The following NFRKB variants were observed in gnomAD, a reference collection of about 807,000 sequenced individuals.
NFRKB encodes the protein nuclear factor related to kappaB binding protein.
NFRKB carries 62 observed loss-of-function variants against 135.7 expected under a neutral mutation model. The ratio of observed to expected loss-of-function variants is 0.46; its 90% CI spans 0.37 to 0.56. The LOEUF is 0.56. Among genes scored for constraint, NFRKB ranks in the 20% least tolerant of loss-of-function variants. The pLI is 0.00. For synonymous variants in NFRKB, 678 were observed against 635.6 expected (o/e 1.07, Z -1.00); for missense variants, 1,545 against 1,662.0 (o/e 0.93, Z 1.22).
intron 13 of NFRKB, among the ~76,000 whole-genome samples, chr11:129,879,582 TC>T (rs1948932766): frequency 6.6e-6 from 1 of 152,092 alleles, no homozygotes; most frequent in Non-Finnish European, 1.5e-5. Flanking sequence ...AAATGACCAC[TC>T]CCCACTTCTC....
At chr11:129,882,750 A>G in intron 9 of NFRKB, 119 bp from the exon 10 acceptor site, 3 of 1,076,134 alleles carry the variant, frequency 2.8e-6, no homozygotes, top group Non-Finnish European at 4.0e-6. Flanking sequence ...TCAGTAATAA[A>G]ACACTCAATG....
intron 11 of NFRKB, 76 bp from the exon 12 acceptor site, chr11:129,881,929 C>T: frequency 8.5e-6 from 13 of 1,537,606 alleles, no homozygotes; most frequent in Non-Finnish European, 1.1e-5. Context: ...CCACCACAAC[C>T]TGCAGTATAT....
In NFRKB at chr11:129,873,058, C is replaced by A. The variant is rs780631530; in HGVS notation, c.2589G>T (p.Thr863=). 2 of 1,612,952 alleles carry A rather than the reference C, an allele frequency of 1.2e-6. No individual in the cohort carries two copies. Among genetic ancestry groups the A allele is most frequent in the Admixed American group, 3.3e-5 (2 of 59,910 alleles). The change falls in exon 23 of 27, where the codon ACG becomes ACT. Residue 863 remains threonine, a synonymous_variant. Transcript: ENST00000682444. ...MATVPVKAQT[T]AATVQRPGPG... is the part of the protein sequence containing the mutation. ...GTCCAGGCCGCTGCACAGTGGCTGC[C>A]GTAGTCTGCGCTTTGACGGGCACAG... is the stretch of plus-strand genomic sequence containing the variant.
At position 129,888,686 on chromosome 11, in the gene NFRKB, G is replaced by A; in HGVS notation, c.245C>T (p.Ala82Val). 1.2e-6 allele frequency: 2 copies of A among 1,614,186 alleles called. No homozygotes were observed. Among genetic ancestry groups the A allele is most frequent in the Non-Finnish European group, 1.7e-6 (2 of 1,180,038 alleles). The change falls in exon 4 of 27, where the codon GCT becomes GTT. Residue 82 changes from alanine (A) to valine (V), a missense_variant. Around this residue, in one of 3 missense-constraint regions of NFRKB, gnomAD observed 678 missense variants for 646.7 expected, o/e 1.05. Transcript: ENST00000682444. Reference protein sequence around the residue: ...QFLPQFPEDSAEQQNELILAL... With the variant: ...QFLPQFPEDSVEQQNELILAL... Reference sequence around the variant, plus strand: ...TAAGATGAGTTCATTCTGCTGCTCAGCACTGTCTTCAGGAAACTGGGGCAG... The same window carrying A: ...TAAGATGAGTTCATTCTGCTGCTCAACACTGTCTTCAGGAAACTGGGGCAG...
Position 129,874,022 on chromosome 11 carries a change from A to G in NFRKB, c.2280-7T>C, listed in dbSNP as rs1251870374. 3 of 1,607,534 alleles carry G rather than the reference A, an allele frequency of 1.9e-6. No individual in the cohort carries two copies. The highest frequency in any genetic ancestry group is 8.5e-7 in the Non-Finnish European group (1 of 1,174,820). On this transcript the variant is annotated splice_region_variant and splice_polypyrimidine_tract_variant and intron_variant, in intron 21 of 26. Transcript: ENST00000682444. The surrounding 1 kb of genome is among the most constrained non-coding windows in gnomAD (Gnocchi z 4.5). ...TGAAGACACCAGAAGAACACTATGA[A>G]GAACATCGGGGAAAGACAAAAAACA... is the stretch of plus-strand genomic sequence containing the variant.
rs1948094202 is a variant in NFRKB, at chr11:129,864,432, T to TTGTTGGA, written c.*292_*293insTCCAACA. The TTGTTGGA allele has an allele frequency of 2.0e-5, 7 of 353,502 alleles. No homozygotes were observed. Among genetic ancestry groups the TTGTTGGA allele is most frequent in the Admixed American group, 1.6e-4 (4 of 24,958 alleles). 21.9% of individuals were successfully genotyped at this position (353,502 alleles called of 1,614,324 possible). ...GGTAAGCCTTCCCTGGGGGTCTTAC[T>TTGTTGGA]CTCAGAACTCTGGCTTGTTGGACGT... On this transcript the variant is annotated 3_prime_UTR_variant, in exon 27 of 27. Transcript: ENST00000682444.
Position 129,864,640 on chromosome 11 carries a change from TA to T in NFRKB, c.*84del. 3 of 1,588,688 alleles carry T rather than the reference TA, an allele frequency of 1.9e-6. No homozygotes were observed. The highest frequency in any genetic ancestry group is 1.7e-5 in the Admixed American group (1 of 59,366). ...CCTGGCTGCCTTGAACAGGCAAGCT[TA>T]AAACAATGATGCAACCTCCCTGGTC... On this transcript the variant is annotated 3_prime_UTR_variant, in exon 27 of 27. Transcript: ENST00000682444.
Position 129,885,416 on chromosome 11 carries a change from A to G in NFRKB, c.640+19T>C, listed in dbSNP as rs776602777. Reference sequence around the variant, plus strand: ...TCCATCCAATACCCCAGCTACCCCAAGTGCCCGAGGACACTCACCCTCTTC... The same window carrying G: ...TCCATCCAATACCCCAGCTACCCCAGGTGCCCGAGGACACTCACCCTCTTC... On this transcript the variant is annotated intron_variant, in intron 6 of 26. Transcript: ENST00000682444. The G allele has an allele frequency of 1.1e-5, 18 of 1,587,242 alleles. No individual in the cohort carries two copies. The highest frequency in any genetic ancestry group is 1.7e-4 in the Middle Eastern group (1 of 5,988).
chr11:129,880,336 C>G (rs1017054908), intron 13 of NFRKB, among the ~76,000 whole-genome samples: 5 of 152,222 alleles, frequency 3.3e-5, no homozygotes, highest in African/African-American at 1.2e-4. Flanking sequence ...TCACACCATT[C>G]TCCTTCATTC....
intron 4 of NFRKB, among the ~76,000 whole-genome samples, chr11:129,888,085 T>C (rs964553023): frequency 6.6e-6 from 1 of 152,172 alleles, no homozygotes; most frequent in African/African-American, 2.4e-5. Context: ...TGATATTATC[T>C]GCTCAATGTA....
Position 129,874,183 on chromosome 11 carries a change from G to A in NFRKB, c.2209C>T (p.Pro737Ser), listed in dbSNP as rs2135645701. 6.6e-7 allele frequency: 1 copy of A among 1,521,150 alleles called. No individual in the cohort carries two copies. The highest frequency in any genetic ancestry group is 2.3e-5 in the East Asian group (1 of 44,098). The allele number at this position is 1,521,150 out of a possible 1,614,324, so 94.2% of individuals were successfully genotyped here. ...TPALPAIPIS[P>S]PPVSAVNKSG... ...TTGTTCACTGCCGATACAGGTGGAG[G>A]GGAGATGGGAATGGCGGGCAATGCT... Residue 737 changes from proline to serine, a missense_variant, in exon 21 of 27, where the codon CCT becomes TCT. Pro to Ser is a moderately conservative substitution (Grantham distance 74). Around this residue, in one of 3 missense-constraint regions of NFRKB, gnomAD observed 753 missense variants for 804.3 expected, o/e 0.94. Transcript: ENST00000682444. The surrounding 1 kb of genome is among the most constrained non-coding windows in gnomAD (Gnocchi z 4.5).
intron 14 of NFRKB, 21 bp downstream of exon 14, chr11:129,878,443 G>C (rs754624615): frequency 2.5e-6 from 4 of 1,612,982 alleles, no homozygotes; most frequent in Middle Eastern, 1.6e-4. Context: ...GAAGGATCTG[G>C]TATTTCTTAA....
intron 12 of NFRKB, 108 bp from the exon 13 acceptor site, chr11:129,881,616 T>C (rs917954834): frequency 1.8e-5 from 28 of 1,585,778 alleles, no homozygotes; most frequent in Middle Eastern, 1.7e-4. Context: ...CTTCAAGGCA[T>C]AGCATTATGC....
At position 129,892,759 on chromosome 11, in the gene NFRKB, G is replaced by A. The variant is rs1949615234; in HGVS notation, c.91C>T (p.Leu31=). The change falls in exon 3 of 27, where the codon CTG becomes TTG. Residue 31 remains leucine, a synonymous_variant. Transcript: ENST00000682444. Reference sequence around the variant, plus strand: ...GGCAGACTAACTCTGGTGCCTCCCAGGAGGCAATCCTCCATGATGCGCGTG... The same window carrying A: ...GGCAGACTAACTCTGGTGCCTCCCAAGAGGCAATCCTCCATGATGCGCGTG... ...HGTRIMEDCL[L]GGTRVSLPED... is the part of the protein sequence containing the mutation. The A allele has an allele frequency of 1.2e-6, 2 of 1,614,198 alleles. No homozygotes were observed. The highest frequency in any genetic ancestry group is 2.7e-5 in the African/African-American group (2 of 75,058).
chr11:129,875,476 G>C lies in NFRKB; in HGVS notation c.1748-13C>G. On this transcript the variant is annotated splice_polypyrimidine_tract_variant and intron_variant, in intron 17 of 26. Coordinates refer to ENST00000682444, the MANE Select transcript of NFRKB (RefSeq NM_001143835.2). ...GCAGCGTCCCGAACTGATGACATGA[G>C]AAAGCACACAGTCCACAAGTCAGGC... The C allele has an allele frequency of 1.9e-6, 3 of 1,581,722 alleles. No individual in the cohort carries two copies. The highest frequency in any genetic ancestry group is 2.6e-6 in the Non-Finnish European group (3 of 1,162,792).
chr11:129,888,691 G>A lies in NFRKB; in HGVS notation c.240C>T (p.Asp80=), dbSNP rs200292879. Residue 80 remains aspartate, a synonymous_variant, in exon 4 of 27, where the codon GAC becomes GAT. Transcript: ENST00000682444. The part of the protein sequence containing the change: ...LQQFLPQFPE[D]SAEQQNELIL... Reference sequence around the variant, plus strand: ...TGAGTTCATTCTGCTGCTCAGCACTGTCTTCAGGAAACTGGGGCAGAAACT... The same window carrying A: ...TGAGTTCATTCTGCTGCTCAGCACTATCTTCAGGAAACTGGGGCAGAAACT... The A allele has an allele frequency of 4.5e-5, 73 of 1,614,176 alleles. No individual in the cohort carries two copies. Among genetic ancestry groups the A allele is most frequent in the South Asian group, 2.2e-5 (2 of 91,078 alleles).
intron 24 of NFRKB, among the ~76,000 whole-genome samples, chr11:129,866,850 G>C (rs746434698): frequency 6.6e-6 from 1 of 152,152 alleles, no homozygotes; most frequent in Non-Finnish European, 1.5e-5. Context: ...ATTCCACAGA[G>C]GCAGGCTAAC....
Position 129,873,111 on chromosome 11 carries a change from G to A in NFRKB, c.2551-15C>T, listed in dbSNP as rs1479401508. On this transcript the variant is annotated splice_polypyrimidine_tract_variant and intron_variant, in intron 22 of 26. Coordinates refer to ENST00000682444, the MANE Select transcript of NFRKB (RefSeq NM_001143835.2). The stretch of plus-strand genomic sequence containing the variant: ...GCCATTACTGTCTAGTTGAGGGCAT[G>A]AGGCCAAGAGCTTAATTAGACTCTA... The A allele has an allele frequency of 2.5e-6, 4 of 1,570,770 alleles. No individual in the cohort carries two copies. The East Asian group carries it at 7.0e-5, about 27-fold the overall frequency.
rs12574106 is a variant in NFRKB at position 129,884,732 on chromosome 11, G to T, written c.742+13C>A. 443,687 of 1,612,274 alleles carry T rather than the reference G, an allele frequency of 0.28. 64,536 individuals carry two copies. Among genetic ancestry groups the T allele is most frequent in the Non-Finnish European group, 0.3 (351,697 of 1,179,174 alleles). On this transcript the variant is annotated intron_variant, in intron 7 of 26. Transcript: ENST00000682444. ...ATGTCCCAGAATGGTGACAGCGGCA[G>T]CTTGGTTCTCACCTGCAGTTTTCAT... is the stretch of plus-strand genomic sequence containing the variant.
Sources: allele counts gnomAD v4.1 joint callset (sites outside exome capture counted in the v4.1 genomes callset), GRCh38; gene constraint gnomAD v4.1.1; regional missense constraint gnomAD v4.1.1; non-coding constraint Gnocchi (gnomAD v3.1); transcripts MANE v1.5; gene names NCBI Gene and HGNC (gene_info 2026-07-23, HGNC 2026-07-21).